Variants in YWHAQ observed in about 807,000 individuals in gnomAD.
The protein encoded by YWHAQ is 14-3-3 protein theta.
YWHAQ carries 6 observed loss-of-function variants against 28.3 expected under a neutral mutation model. The ratio of observed to expected loss-of-function variants is 0.21; its 90% CI spans 0.12 to 0.42. The LOEUF is 0.42. Among genes scored for constraint, YWHAQ ranks in the 10% least tolerant of loss-of-function variants. The pLI is 1.00. For missense variants in YWHAQ, 201 were observed against 305.6 expected, an observed-to-expected ratio of 0.66 and a Z score of 2.55; for synonymous variants, 143 against 119.1, an observed-to-expected ratio of 1.20 and a Z score of -1.31.
intron 2 of YWHAQ, among the ~76,000 whole-genome samples, chr2:9,595,260 T>C (rs768352089): frequency 9.9e-5 from 15 of 152,184 alleles, no homozygotes; most frequent in Non-Finnish European, 2.1e-4. Flanking sequence ...AATAATCAAG[T>C]CTGTATCTGT....
rs576242352 is a variant in YWHAQ, at chr2:9,615,270, T to A, written c.294+14889A>T. 293 of 152,268 alleles carry A rather than the reference T, an allele frequency of 1.9e-3. 4 individuals are homozygous for A. The highest frequency in any genetic ancestry group is 6.7e-3 in the African/African-American group (280 of 41,568). The allele number at this position is 152,268 out of a possible 1,614,324, so 9.4% of individuals were successfully genotyped here. ...CAGAGGGTAAAAAATTAGAGCAGGCTGGTCCGAAGGTAAGGAGTTATCTTG... is the reference window on the plus strand; with the variant it reads ...CAGAGGGTAAAAAATTAGAGCAGGCAGGTCCGAAGGTAAGGAGTTATCTTG... On this transcript the variant is annotated intron_variant, in intron 2 of 5. Transcript: ENST00000238081.
intron 5 of YWHAQ, among the ~76,000 whole-genome samples, chr2:9,586,958 A>G (rs1666354379): frequency 1.3e-5 from 2 of 152,208 alleles, no homozygotes; most frequent in South Asian, 2.1e-4. Context: ...AGAAGCAGAG[A>G]AGGAGTAAGT....
At chr2:9,588,031 GA>G in intron 4 of YWHAQ, 133 bp downstream of exon 4, 3 of 1,134,222 alleles carry the variant, frequency 2.6e-6, no homozygotes, top group Non-Finnish European at 3.6e-6. Flanking sequence ...ATGATGGGAA[GA>G]AAAAGAGGAG....
At chr2:9,618,318 A>T (rs116486968) in intron 2 of YWHAQ, among the ~76,000 whole-genome samples, 432 of 152,344 alleles carry the variant, frequency 2.8e-3, no homozygotes, top group Middle Eastern at 0.01. Flanking sequence ...ACAACAAAAA[A>T]CAAGATAGCT....
chr2:9,625,996 A>T (rs989057367), intron 2 of YWHAQ, among the ~76,000 whole-genome samples: 22 of 118,706 alleles, frequency 1.9e-4, no homozygotes, highest in African/African-American at 8.0e-4. Flanking sequence ...GAGCAGCGTA[A>T]GACATTTTTT....
At chr2:9,598,664 T>C (rs11695334) in intron 2 of YWHAQ, among the ~76,000 whole-genome samples, 2,668 of 152,300 alleles carry the variant, frequency 0.018, 77 homozygotes, top group African/African-American at 0.062. Flanking sequence ...TGTAATTGTT[T>C]TGGGGTACCA....
intron 2 of YWHAQ, among the ~76,000 whole-genome samples, chr2:9,610,615 TCTC>T (rs1666926370): frequency 6.6e-6 from 1 of 152,098 alleles, no homozygotes; most frequent in Admixed American, 6.5e-5. Context: ...TTCAAACGAT[TCTC>T]CTGCCTCAGC....
At chr2:9,602,844 AAAAAAAAAAAAAAAAAAAATATATATAT>A (rs1293850980) in intron 2 of YWHAQ, among the ~76,000 whole-genome samples, 1,311 of 38,708 alleles carry the variant, frequency 0.034, 13 homozygotes, top group Non-Finnish European at 0.044. Context: ...AAAAAAAAAA[AAAAAAAAAAAAAAAAAAAATATATATAT>A]ATATATATAT....
intron 3 of YWHAQ, among the ~76,000 whole-genome samples, chr2:9,589,510 G>A (rs1336112785): frequency 1.3e-5 from 2 of 152,144 alleles, no homozygotes; most frequent in Non-Finnish European, 2.9e-5. Context: ...TTGAACCCGG[G>A]AGGCGGAGCT....
chr2:9,585,279 T>C lies in YWHAQ; in HGVS notation c.*7A>G. The stretch of plus-strand genomic sequence containing the variant: ...TGAAGGAAAGAAGGATGACACCCTG[T>C]ATGGATTTAGTTTTCAGCCCCTTCT... On this transcript the variant is annotated 3_prime_UTR_variant, in exon 6 of 6. Coordinates refer to ENST00000238081, the MANE Select transcript of YWHAQ (RefSeq NM_006826.4). The C allele has an allele frequency of 6.2e-7, 1 of 1,614,084 alleles. No individual in the cohort carries two copies. Among genetic ancestry groups the C allele is most frequent in the Non-Finnish European group, 8.5e-7 (1 of 1,179,966 alleles).
At chr2:9,604,074 G>A (rs1666770339) in intron 2 of YWHAQ, among the ~76,000 whole-genome samples, 1 of 152,190 alleles carries the variant, frequency 6.6e-6, no homozygotes. Context: ...ATGTGTTAAA[G>A]GATGTGTAGC....
intron 2 of YWHAQ, among the ~76,000 whole-genome samples, chr2:9,627,830 C>T (rs1042224496): frequency 1.3e-5 from 2 of 152,202 alleles, no homozygotes; most frequent in Admixed American, 6.5e-5. Context: ...CACACTGTTC[C>T]CCGAACAAGC....
chr2:9,600,462 T>C (rs539867122), intron 2 of YWHAQ, among the ~76,000 whole-genome samples: 1 of 152,234 alleles, frequency 6.6e-6, no homozygotes, highest in Non-Finnish European at 1.5e-5. Flanking sequence ...ATCCCAGCAC[T>C]TGAGAGGCCC....
At chr2:9,625,676 C>T (rs1451514120) in intron 2 of YWHAQ, among the ~76,000 whole-genome samples, 1 of 152,176 alleles carries the variant, frequency 6.6e-6, no homozygotes, top group East Asian at 1.9e-4. Flanking sequence ...TACTATCAAC[C>T]TACCTTAGGG....
At position 9,630,107 on chromosome 2, in the gene YWHAQ, A is replaced by G. The variant is rs1284415946; in HGVS notation, c.294+52T>C. ...TGTTTCCGTGCCCGCGAAACTCTCA[A>G]TGAAAAGCATCTCACAAAAGGCCTC... On this transcript the variant is annotated intron_variant, in intron 2 of 5. Transcript: ENST00000238081. This position sits in a 1 kb window ranked among gnomAD's most constrained non-coding sequence, Gnocchi z 5.6. 1.3e-5 allele frequency: 20 copies of G among 1,566,304 alleles called. No homozygotes were observed. Among genetic ancestry groups the G allele is most frequent in the African/African-American group, 2.7e-5 (2 of 73,854 alleles).
chr2:9,613,002 C>T (rs867845405), intron 2 of YWHAQ, among the ~76,000 whole-genome samples: 3 of 152,156 alleles, frequency 2.0e-5, no homozygotes, highest in Non-Finnish European at 2.9e-5. Flanking sequence ...CTTGCAGCTC[C>T]TCTCTCAACA....
At chr2:9,624,880 T>A (rs1667217872) in intron 2 of YWHAQ, among the ~76,000 whole-genome samples, 1 of 151,690 alleles carries the variant, frequency 6.6e-6, no homozygotes. Flanking sequence ...GTAACTGGGA[T>A]TACAGGTGCC....
chr2:9,593,906 ATAT>A (rs1247628035), intron 2 of YWHAQ, among the ~76,000 whole-genome samples: 2 of 99,206 alleles, frequency 2.0e-5, no homozygotes, highest in African/African-American at 1.2e-4. Context: ...ATTAAAAAAA[ATAT>A]ATATATATAT....
chr2:9,623,772 CAACA>C (rs375378699), intron 2 of YWHAQ, among the ~76,000 whole-genome samples: 3 of 134,700 alleles, frequency 2.2e-5, no homozygotes, highest in African/African-American at 2.6e-5. Flanking sequence ...AACTCTGTCT[CAACA>C]AAATAAATAA....
Sources: allele counts gnomAD v4.1 joint callset (sites outside exome capture counted in the v4.1 genomes callset), GRCh38; gene constraint gnomAD v4.1.1; non-coding constraint Gnocchi (gnomAD v3.1); transcripts MANE v1.5; gene names NCBI Gene and HGNC (gene_info 2026-07-23, HGNC 2026-07-21).